GSDMA: variants seen among roughly 807,000 people sequenced by gnomAD.
GSDMA encodes the protein gasdermin-A.
GSDMA carries 55 observed loss-of-function variants against 54.3 expected under a neutral mutation model. That is an observed-to-expected ratio of 1.01 (90% confidence interval 0.82 to 1.27). GSDMA has a LOEUF of 1.27. Ranked by LOEUF, GSDMA falls within the 50% of genes most tolerant of loss-of-function variation. The pLI, the probability that GSDMA is intolerant of heterozygous loss-of-function variation, is 0.00. For synonymous variants in GSDMA, 211 were observed against 224.7 expected (o/e 0.94, Z 0.54); for missense variants, 542 against 542.6 (o/e 1.00, Z 0.01).
intron 3 of GSDMA, among the ~76,000 whole-genome samples, chr17:39,967,064 T>C (rs1023653370): frequency 9.9e-5 from 15 of 152,112 alleles, no homozygotes; most frequent in African/African-American, 3.6e-4. Context: ...AGGTAAGGAC[T>C]GTGAAGGCCA....
Position 39,977,027 on chromosome 17 carries a change from C to G in GSDMA, c.1307C>G (p.Ser436Cys). ...PRLCALYAGL[S>C]LLQQLTKAS is the part of the protein sequence containing the mutation. The stretch of plus-strand genomic sequence containing the variant: ...CTCTGTGCTCTTTATGCAGGCCTCT[C>G]TCTCCTTCAGCAGCTTACCAAGGCC... Residue 436 changes from serine to cysteine, a missense_variant, in exon 12 of 12, where the codon TCT becomes TGT. Ser to Cys is a moderately radical substitution (Grantham distance 112). Transcript: ENST00000301659. 1 of 1,613,958 alleles carries G rather than the reference C, an allele frequency of 6.2e-7. No homozygotes were observed. Among genetic ancestry groups the G allele is most frequent in the Non-Finnish European group, 8.5e-7 (1 of 1,179,894 alleles).
At chr17:39,973,878 A>G (rs1356284158) in intron 8 of GSDMA, 48 bp downstream of exon 8, 3 of 1,555,168 alleles carry the variant, frequency 1.9e-6, no homozygotes, top group Admixed American at 1.7e-5. Flanking sequence ...TGGAGGTAGC[A>G]TTAGGGGCAG....
In GSDMA at chr17:39,977,287, CTTTTCTTTT is replaced by C. The variant is rs1980244482; in HGVS notation, c.*234_*242del. The C allele has an allele frequency of 3.7e-3, 1,085 of 295,340 alleles. 6 individuals are homozygous for C. The highest frequency in any genetic ancestry group is 9.6e-3 in the South Asian group (176 of 18,314). The allele number at this position is 295,340 out of a possible 1,614,324, so 18.3% of individuals were successfully genotyped here. On this transcript the variant is annotated 3_prime_UTR_variant, in exon 12 of 12. Transcript: ENST00000301659. Reference sequence around the variant, plus strand: ...TGATGCTTAAATTTTCTTTACTTTTCTTTTCTTTTTTTTTTTTTTTTTGAGATGGAGGCT... The same window carrying C: ...TGATGCTTAAATTTTCTTTACTTTTCTTTTTTTTTTTTTGAGATGGAGGCT...
chr17:39,964,376 C>T (rs1979540800), intron 1 of GSDMA, among the ~76,000 whole-genome samples: 1 of 152,112 alleles, frequency 6.6e-6, no homozygotes, highest in African/African-American at 2.4e-5. Context: ...CGAGACCAGC[C>T]TGACCAACAT....
chr17:39,966,365 T>C lies in GSDMA; in HGVS notation c.320T>C (p.Leu107Pro). ...GTGAAGGTGAAGGGAACGGCAGGGC[T>C]CTCGCAGAACAGCACTCTGGAGGTC... The part of the protein sequence containing the change: ...KTVKVKGTAG[L>P]SQNSTLEVQT... Residue 107 changes from leucine to proline, a missense_variant, in exon 3 of 12, where the codon CTC (leucine) becomes CCC (proline). Physicochemically the swap from Leu to Pro is moderately conservative, Grantham distance 98. Coordinates refer to ENST00000301659, the MANE Select transcript of GSDMA (RefSeq NM_178171.5). 1 of 1,613,848 alleles carries C rather than the reference T, an allele frequency of 6.2e-7. No homozygotes were observed. Among genetic ancestry groups the C allele is most frequent in the Non-Finnish European group, 8.5e-7 (1 of 1,179,846 alleles).
rs60315845 is a variant in GSDMA, at chr17:39,968,339, C to CTTTTTTTTT, written c.392+1920_392+1928dup. Among the ~76,000 whole-genome samples the CTTTTTTTTT allele has an allele frequency of 9.2e-4, 38 of 41,364 alleles. 9 individuals carry two copies. The highest frequency in any genetic ancestry group is 0.026 in the Middle Eastern group (1 of 38). The allele number at this position is 41,364 out of a possible 152,430, so 27.1% of individuals were successfully genotyped here. On this transcript the variant is annotated intron_variant, in intron 3 of 11. Coordinates refer to ENST00000301659, the MANE Select transcript of GSDMA (RefSeq NM_178171.5). ...ACAGGCGTGAGCCACTGAGCCCGGT[C>CTTTTTTTTT]TTTTTTTTTTTTTTTTTTTTTTTTT...
At chr17:39,963,517 G>A (rs1205444621) in intron 1 of GSDMA, among the ~76,000 whole-genome samples, 3 of 152,168 alleles carry the variant, frequency 2.0e-5, no homozygotes, top group Admixed American at 6.6e-5. Flanking sequence ...CGGCCACCCA[G>A]CCAGAGCACC....
At chr17:39,971,745 G>T in intron 5 of GSDMA, 125 bp downstream of exon 5, 1 of 694,900 alleles carries the variant, frequency 1.4e-6, no homozygotes. Flanking sequence ...ACTGTGATCC[G>T]ACTGCAGCCA....
At position 39,965,782 on chromosome 17, in the gene GSDMA, G is replaced by C. The variant is rs557854289; in HGVS notation, c.95G>C (p.Arg32Pro). The C allele has an allele frequency of 2.5e-6, 4 of 1,609,472 alleles. No individual in the cohort carries two copies. Among genetic ancestry groups the C allele is most frequent in the East Asian group, 4.5e-5 (2 of 44,694 alleles). ...CTTGACAGCCTCATCGACTTCAAGC[G>C]CTTCCATCCCTTCTGCCTGGTGCTG... ...TPLDSLIDFK[R>P]FHPFCLVLRK... The change falls in exon 2 of 12, where the codon CGC (arginine) becomes CCC (proline). Residue 32 changes from arginine (R) to proline (P), a missense_variant. Transcript: ENST00000301659.
In GSDMA at chr17:39,977,025, C is replaced by T. The variant is rs1226944627; in HGVS notation, c.1305C>T (p.Leu435=). ...LPRLCALYAG[L]SLLQQLTKAS is the part of the protein sequence containing the mutation. The stretch of plus-strand genomic sequence containing the variant: ...GCCTCTGTGCTCTTTATGCAGGCCT[C>T]TCTCTCCTTCAGCAGCTTACCAAGG... The change falls in exon 12 of 12, where the codon CTC becomes CTT. Residue 435 remains leucine, a synonymous_variant. Coordinates refer to ENST00000301659, the MANE Select transcript of GSDMA (RefSeq NM_178171.5). 1.4e-5 allele frequency: 23 copies of T among 1,613,934 alleles called. No homozygotes were observed. The East Asian group carries it at 1.6e-4, about 11-fold the overall frequency.
chr17:39,976,010 C>T lies in GSDMA; in HGVS notation c.1095+13C>T. 1 of 1,572,946 alleles carries T rather than the reference C, an allele frequency of 6.4e-7. No homozygotes were observed. Among genetic ancestry groups the T allele is most frequent in the Non-Finnish European group, 8.6e-7 (1 of 1,156,890 alleles). ...GCAGCTAAAGCTGGTGAGGGAAAAA[C>T]AGCAGATGCTGGGGAGAGTCTGGGA... On this transcript the variant is annotated intron_variant, in intron 11 of 11. Transcript: ENST00000301659.
intron 6 of GSDMA, among the ~76,000 whole-genome samples, 173 bp downstream of exon 6, chr17:39,972,349 A>C (rs992337022): frequency 1.3e-5 from 2 of 152,176 alleles, no homozygotes; most frequent in African/African-American, 4.8e-5. Flanking sequence ...AGATAGAGGC[A>C]TATAAATACT....
At chr17:39,972,227 A>G in intron 6 of GSDMA, 51 bp downstream of exon 6, 2 of 1,248,982 alleles carry the variant, frequency 1.6e-6, no homozygotes, top group Non-Finnish European at 2.3e-6. Context: ...TACCCCTGAC[A>G]TTATCTGCCA....
chr17:39,972,100 T>TTGCCCCCCCCCCC, intron 5 of GSDMA, 29 bp from the exon 6 acceptor site: 4 of 835,094 alleles, frequency 4.8e-6, no homozygotes, highest in South Asian at 1.4e-5. Context: ...CTAAGTGTCC[T>TTGCCCCCCCCCCC]CCCACCCTCC....
chr17:39,965,063 T>C (rs1979572274), intron 1 of GSDMA, among the ~76,000 whole-genome samples: 1 of 150,812 alleles, frequency 6.6e-6, no homozygotes, highest in East Asian at 2.0e-4. Context: ...AAGGCTGCAG[T>C]GAGCTGTGAT....
In GSDMA at chr17:39,972,114, C is replaced by T; in HGVS notation, c.656-15C>T. On this transcript the variant is annotated splice_polypyrimidine_tract_variant and intron_variant, in intron 5 of 11. Transcript: ENST00000301659. ...GCTAAGTGTCCTCCCACCCTCCCTC[C>T]CTTGCCCTTCACAGATATTCCACAT... 7.0e-7 allele frequency: 1 copy of T among 1,423,390 alleles called. No homozygotes were observed. Among genetic ancestry groups the T allele is most frequent in the Non-Finnish European group, 9.9e-7 (1 of 1,014,748 alleles). 88.2% of individuals were successfully genotyped at this position (1,423,390 alleles called of 1,614,324 possible).
At chr17:39,969,032 T>G (rs1180850096) in intron 3 of GSDMA, among the ~76,000 whole-genome samples, 1 of 152,088 alleles carries the variant, frequency 6.6e-6, no homozygotes, top group African/African-American at 2.4e-5. Context: ...AAAGTGAAGA[T>G]ACACACAAGG....
At position 39,974,939 on chromosome 17, in the gene GSDMA, G is replaced by C. The variant is rs200113849; in HGVS notation, c.946G>C (p.Glu316Gln). The change falls in exon 10 of 12, where the codon GAG becomes CAG. Residue 316 changes from glutamate (E) to glutamine (Q), a missense_variant. Transcript: ENST00000301659. Reference protein sequence around the residue: ...ALDKGHEVTLEALPKDVLLSK... With the variant: ...ALDKGHEVTLQALPKDVLLSK... ...AGACAAGGGACATGAAGTGACCCTG[G>C]AGGCACTCCCAAAAGATGTCCTGCT... 63 of 1,612,390 alleles carry C rather than the reference G, an allele frequency of 3.9e-5. 1 individual carries two copies. The East Asian group carries it at 1.4e-3, about 35-fold the overall frequency.
chr17:39,966,560 C>T, intron 3 of GSDMA, 123 bp downstream of exon 3: 1 of 875,054 alleles, frequency 1.1e-6, no homozygotes, highest in Non-Finnish European at 1.7e-6. Context: ...GTGGTCATGA[C>T]AGGGGAGCTC....
Sources: allele counts gnomAD v4.1 joint callset (sites outside exome capture counted in the v4.1 genomes callset), GRCh38; gene constraint gnomAD v4.1.1; transcripts MANE v1.5; gene names NCBI Gene and HGNC (gene_info 2026-07-23, HGNC 2026-07-21).